Variants in MAST4 observed in about 807,000 individuals in gnomAD.
The protein encoded by MAST4 is microtubule-associated serine/threonine-protein kinase 4.
A neutral mutation model predicts 162.7 loss-of-function variants in MAST4; 89 were observed. That is an observed-to-expected ratio of 0.55 (90% CI 0.46 to 0.65). MAST4 has a LOEUF of 0.65. Ranked by LOEUF, MAST4 falls within the 30% of genes least tolerant of loss-of-function variation. The pLI, the probability that MAST4 is intolerant of heterozygous loss-of-function variation, is 0.00. For missense variants in MAST4, 3,153 were observed against 3,374.0 expected, an observed-to-expected ratio of 0.93 and a Z score of 1.62; for synonymous variants, 1,479 against 1,361.1, an observed-to-expected ratio of 1.09 and a Z score of -1.91.
chr5:66,757,224 A>G (rs1265276854), intron 1 of MAST4, among the ~76,000 whole-genome samples: 3 of 152,326 alleles, frequency 2.0e-5, no homozygotes, highest in South Asian at 4.1e-4. Context: ...TAAGTAGCAG[A>G]TGCTGATGAA....
At chr5:66,925,406 T>C (rs193119773) in intron 4 of MAST4, among the ~76,000 whole-genome samples, 1 of 152,340 alleles carries the variant, frequency 6.6e-6, no homozygotes, top group African/African-American at 2.4e-5. Flanking sequence ...CTTTTACATT[T>C]TATGTGCAGG....
intron 1 of MAST4, among the ~76,000 whole-genome samples, chr5:66,659,292 A>G (rs1045122221): frequency 2.6e-5 from 4 of 152,204 alleles, no homozygotes; most frequent in Admixed American, 2.6e-4. Flanking sequence ...GATGGGAAGT[A>G]TAGCTTCCTT....
intron 1 of MAST4, among the ~76,000 whole-genome samples, chr5:66,721,763 T>C (rs10065098): frequency 0.016 from 2,498 of 151,456 alleles, 68 homozygotes; most frequent in African/African-American, 0.056. Flanking sequence ...TAATCTGTGT[T>C]CTGAACTGAA....
intron 4 of MAST4, among the ~76,000 whole-genome samples, chr5:66,975,478 GCCTTTCACTGTGGCC>G (rs1468568453): frequency 2.6e-5 from 4 of 152,140 alleles, no homozygotes; most frequent in Non-Finnish European, 4.4e-5. Context: ...AGCCCAGTGC[GCCTTTCACTGTGGCC>G]CCCTGCCTCC....
chr5:67,111,187 T>C (rs1182004886), intron 11 of MAST4, among the ~76,000 whole-genome samples: 1 of 152,180 alleles, frequency 6.6e-6, no homozygotes, highest in Non-Finnish European at 1.5e-5. Flanking sequence ...TCTAGTAATA[T>C]AGCATCAAAA....
intron 4 of MAST4, among the ~76,000 whole-genome samples, chr5:66,912,002 T>G (rs566798698): frequency 6.6e-6 from 1 of 152,270 alleles, no homozygotes; most frequent in African/African-American, 2.4e-5. Flanking sequence ...AGTCTTTTAT[T>G]GTTATTGGGG....
intron 1 of MAST4, among the ~76,000 whole-genome samples, chr5:66,664,364 G>A (rs1232875412): frequency 3.4e-5 from 5 of 148,920 alleles, no homozygotes; most frequent in African/African-American, 1.0e-4. Context: ...GAACCCGGGC[G>A]ACGGAGGTTG....
At chr5:66,858,880 T>C (rs539578903) in intron 3 of MAST4, among the ~76,000 whole-genome samples, 100 of 152,272 alleles carry the variant, frequency 6.6e-4, no homozygotes, top group African/African-American at 2.4e-3. Flanking sequence ...CATCCTTTGA[T>C]AGATGTATCT....
intron 4 of MAST4, among the ~76,000 whole-genome samples, chr5:67,023,820 A>G (rs1481944638): frequency 6.6e-6 from 1 of 151,226 alleles, no homozygotes; most frequent in East Asian, 1.9e-4. Context: ...CATATTCAGT[A>G]CTCAGGTTTT....
At chr5:66,622,795 G>A (rs1749286707) in intron 1 of MAST4, 1 of 152,120 alleles carries the variant, frequency 6.6e-6, no homozygotes. Context: ...GAGTGGGGAA[G>A]ATGTCAGACA....
Position 67,166,303 on chromosome 5 carries a change from C to T in MAST4, c.7124C>T (p.Thr2375Ile), listed in dbSNP as rs770771053. 4.1e-5 allele frequency: 65 copies of T among 1,572,212 alleles called. No homozygotes were observed. The highest frequency in any genetic ancestry group is 5.3e-5 in the Non-Finnish European group (61 of 1,158,550). Residue 2375 changes from threonine (T) to isoleucine (I), a missense_variant, in exon 29 of 29, where the codon ACT becomes ATT. By Grantham distance (89) the Thr-to-Ile change is moderately conservative. Transcript: ENST00000403625. ...AGAAGGGCGGAAGGGAAGAAATGCA[C>T]TGAAGCACTTTATGCTCCAGCAGAG... is the stretch of plus-strand genomic sequence containing the variant. ...TDRRAEGKKC[T>I]EALYAPAEGD...
At chr5:66,944,098 A>G (rs563031910) in intron 4 of MAST4, among the ~76,000 whole-genome samples, 4 of 152,102 alleles carry the variant, frequency 2.6e-5, no homozygotes, top group Non-Finnish European at 5.9e-5. Context: ...TGATTTTGCT[A>G]TTTTTAAAAA....
At chr5:67,060,274 T>C (rs970577104) in intron 5 of MAST4, among the ~76,000 whole-genome samples, 1 of 152,148 alleles carries the variant, frequency 6.6e-6, no homozygotes, top group Non-Finnish European at 1.5e-5. Flanking sequence ...TTAGATGAGA[T>C]ACTAAATTGG....
intron 1 of MAST4, 54 bp downstream of exon 1, chr5:66,597,072 G>C: frequency 7.4e-7 from 1 of 1,354,660 alleles, no homozygotes; most frequent in Non-Finnish European, 9.4e-7. Flanking sequence ...GGCGACCGTA[G>C]TTTCCCATCC....
intron 1 of MAST4, among the ~76,000 whole-genome samples, chr5:66,638,515 C>T (rs1030003934): frequency 7.2e-5 from 11 of 152,144 alleles, no homozygotes; most frequent in African/African-American, 2.4e-4. Flanking sequence ...TTTCTATATA[C>T]ATAATGAGAT....
At chr5:66,638,227 G>A (rs1745248929) in intron 1 of MAST4, among the ~76,000 whole-genome samples, 1 of 152,166 alleles carries the variant, frequency 6.6e-6, no homozygotes, top group Non-Finnish European at 1.5e-5. Flanking sequence ...GTCTTTGGCA[G>A]TGGTGTTCCC....
intron 3 of MAST4, among the ~76,000 whole-genome samples, chr5:66,826,964 G>A (rs751395519): frequency 9.2e-5 from 14 of 152,112 alleles, no homozygotes; most frequent in Admixed American, 5.9e-4. Flanking sequence ...AACAATTGTC[G>A]TTCCCTTCGT....
At chr5:66,690,277 G>A (rs1434764798) in intron 1 of MAST4, among the ~76,000 whole-genome samples, 2 of 152,142 alleles carry the variant, frequency 1.3e-5, no homozygotes, top group Admixed American at 1.3e-4. Context: ...CTTTGGAAAC[G>A]CTTGTCAGGG....
chr5:67,018,575 G>A (rs528301616), intron 4 of MAST4, among the ~76,000 whole-genome samples: 15 of 152,224 alleles, frequency 9.9e-5, no homozygotes, highest in Middle Eastern at 3.4e-3. Flanking sequence ...CAGATAAACA[G>A]ATTTGACTAG....
Sources: allele counts gnomAD v4.1 joint callset (sites outside exome capture counted in the v4.1 genomes callset), GRCh38; gene constraint gnomAD v4.1.1; transcripts MANE v1.5; gene names NCBI Gene and HGNC (gene_info 2026-07-23, HGNC 2026-07-21).